CNGA2: variants seen among roughly 807,000 people sequenced by gnomAD.
CNGA2 encodes cyclic nucleotide-gated channel alpha-2.
A neutral mutation model predicts 35.9 loss-of-function variants in CNGA2; 22 were observed. The observed-to-expected ratio is 0.61, with a 90% CI of 0.44 to 0.88. The LOEUF is 0.88. Ranked by LOEUF, CNGA2 falls within the 40% of genes least tolerant of loss-of-function variation. The pLI, the probability that CNGA2 is intolerant of heterozygous loss-of-function variation, is 0.00. For missense variants in CNGA2, 555 were observed against 530.8 expected, an observed-to-expected ratio of 1.05 and a Z score of -0.45; for synonymous variants, 217 against 209.2, an observed-to-expected ratio of 1.04 and a Z score of -0.32.
At chrX:151,738,396 C>A in intron 1 of CNGA2, 62 bp from the exon 2 acceptor site, 1 of 782,220 alleles carries the variant, frequency 1.3e-6, no homozygotes, top group Non-Finnish European at 1.9e-6. Flanking sequence ...ACTTGCCACT[C>A]TCCCACTCTC....
At chrX:151,737,162 G>A (rs148744118) in intron 1 of CNGA2, among the ~76,000 whole-genome samples, 1,331 of 111,781 alleles carry the variant, frequency 0.012, 25 homozygotes, top group African/African-American at 0.041. Flanking sequence ...GACAGCTTCC[G>A]GACTGTGGGT....
chrX:151,742,770 C>T, intron 6 of CNGA2, 128 bp downstream of exon 6: 1 of 457,250 alleles, frequency 2.2e-6, no homozygotes. Context: ...CTTCTTTGAA[C>T]CTCATGGTCC....
chrX:151,741,206 G>A (rs1229258893), intron 5 of CNGA2, among the ~76,000 whole-genome samples: 1 of 111,763 alleles, frequency 8.9e-6, no homozygotes, highest in Non-Finnish European at 1.9e-5. Context: ...GTCCACAGGA[G>A]GAAGTTCAAG....
chrX:151,742,282 T>C (rs186943305), intron 5 of CNGA2, among the ~76,000 whole-genome samples: 1 of 111,985 alleles, frequency 8.9e-6, no homozygotes, highest in Non-Finnish European at 1.9e-5. Flanking sequence ...CCTGCCTTCC[T>C]GGAGCTCACA....
intron 3 of CNGA2, 82 bp from the exon 4 acceptor site, chrX:151,739,480 G>T: frequency 1.0e-6 from 1 of 1,000,085 alleles, no homozygotes; most frequent in African/African-American, 1.9e-5. Flanking sequence ...TTCCTTAGCA[G>T]ACAGTGAGCT....
chrX:151,744,198 T>G lies in CNGA2; in HGVS notation c.1695T>G (p.Asp565Glu). The G allele has an allele frequency of 8.3e-7, 1 of 1,210,802 alleles. No homozygotes were observed. The highest frequency in any genetic ancestry group is 1.7e-5 in the African/African-American group (1 of 57,439). ...TGGAAGCTGTGACTGAGTACCCTGA[T>G]GCCAAGAAAGTCCTAGAAGAGAGGG... ...DLMEAVTEYP[D>E]AKKVLEERGR... The change falls in exon 7 of 7, where the codon GAT becomes GAG. Residue 565 changes from aspartate (D) to glutamate (E), a missense_variant. Transcript: ENST00000329903.
At position 151,744,889 on chromosome X, in the gene CNGA2, C is replaced by G. The variant is rs1446120464; in HGVS notation, c.*391C>G. The G allele has an allele frequency of 6.5e-6, 1 of 154,728 alleles. No homozygotes were observed. The highest frequency in any genetic ancestry group is 1.2e-5 in the Non-Finnish European group (1 of 80,421). 12.8% of individuals were successfully genotyped at this position (154,728 alleles called of 1,213,427 possible). On this transcript the variant is annotated 3_prime_UTR_variant, in exon 7 of 7. Transcript: ENST00000329903. The stretch of plus-strand genomic sequence containing the variant: ...CACACGCATGTACTTCGAGCACCGA[C>G]TATAGACATTTAGATCAGGTACCCA...
intron 1 of CNGA2, 56 bp from the exon 2 acceptor site, chrX:151,738,402 C>G: frequency 3.6e-6 from 3 of 835,636 alleles, no homozygotes; most frequent in Non-Finnish European, 5.3e-6. Flanking sequence ...CACTCTCCCA[C>G]TCTCTGTGGG....
intron 1 of CNGA2, among the ~76,000 whole-genome samples, chrX:151,737,093 CCATGGTGA>C (rs2015254313): frequency 9.0e-6 from 1 of 111,712 alleles, no homozygotes; most frequent in Non-Finnish European, 1.9e-5. Context: ...CCTGCCATCG[CCATGGTGA>C]CAGCTTCAGA....
In CNGA2 at chrX:151,744,817, G is replaced by GC; in HGVS notation, c.*324dup. 1 of 267,864 alleles carries GC rather than the reference G, an allele frequency of 3.7e-6. No individual in the cohort carries two copies. Among genetic ancestry groups the GC allele is most frequent in the Non-Finnish European group, 6.7e-6 (1 of 150,191 alleles). 22.1% of individuals were successfully genotyped at this position (267,864 alleles called of 1,213,427 possible). A position where few individuals can be genotyped will look rare whatever the true frequency, so the allele number is the denominator to read the frequency against. ...CATAGCGACCCCTCCCTTGGTTCTG[G>GC]CCCCCGCTTTTTCTAACATGTCTTC... On this transcript the variant is annotated 3_prime_UTR_variant, in exon 7 of 7. Coordinates refer to ENST00000329903, the MANE Select transcript of CNGA2 (RefSeq NM_005140.3).
At chrX:151,736,678 G>A (rs1025787253) in intron 1 of CNGA2, among the ~76,000 whole-genome samples, 9 of 111,048 alleles carry the variant, frequency 8.1e-5, no homozygotes, top group African/African-American at 3.0e-4. Flanking sequence ...TGGCAAAGGG[G>A]AGGGTGTGCA....
At chrX:151,742,043 C>T (rs942237297) in intron 5 of CNGA2, among the ~76,000 whole-genome samples, 9 of 112,925 alleles carry the variant, frequency 8.0e-5, no homozygotes, top group Non-Finnish European at 9.4e-5. Context: ...AACCTCCAAA[C>T]TTTCTCCATT....
intron 6 of CNGA2, among the ~76,000 whole-genome samples, 164 bp from the exon 7 acceptor site, chrX:151,742,929 T>TATATATATATATATATACATAC (rs1410986643): frequency 1.5e-4 from 12 of 77,434 alleles, no homozygotes; most frequent in Middle Eastern, 5.8e-3. Context: ...GGGAAGGATA[T>TATATATATATATATATACATAC]ATATATATAT....
intron 6 of CNGA2, among the ~76,000 whole-genome samples, 166 bp from the exon 7 acceptor site, chrX:151,742,927 T>TATACATATATATATATATACACATAC (rs1556284988): frequency 8.9e-5 from 7 of 78,474 alleles, no homozygotes; most frequent in African/African-American, 4.2e-4. Context: ...TAGGGAAGGA[T>TATACATATATATATATATACACATAC]ATATATATAT....
At chrX:151,739,504 G>A in intron 3 of CNGA2, 58 bp from the exon 4 acceptor site, 1 of 1,132,696 alleles carries the variant, frequency 8.8e-7, no homozygotes, top group Non-Finnish European at 1.2e-6. Context: ...GGGGACTGGT[G>A]CTTTCTGAAC....
chrX:151,742,787 C>T (rs1231154643), intron 6 of CNGA2, 145 bp downstream of exon 6: 40 of 410,143 alleles, frequency 9.8e-5, no homozygotes, highest in Non-Finnish European at 2.5e-5. Flanking sequence ...GTCCCACATG[C>T]ATAGAGAGGT....
intron 1 of CNGA2, among the ~76,000 whole-genome samples, chrX:151,737,895 C>T (rs1339140535): frequency 9.4e-6 from 1 of 106,259 alleles, no homozygotes; most frequent in Non-Finnish European, 1.9e-5. Context: ...AGAGCAGCTG[C>T]TCTCTACCCC....
chrX:151,741,013 A>T (rs1016870936), intron 5 of CNGA2, 112 bp downstream of exon 5: 4 of 529,792 alleles, frequency 7.6e-6, no homozygotes, highest in African/African-American at 6.9e-5. Flanking sequence ...TTCTCTGTTA[A>T]CCCCAACCCT....
At chrX:151,738,969 C>A in intron 3 of CNGA2, 90 bp downstream of exon 3, 1 of 697,342 alleles carries the variant, frequency 1.4e-6, no homozygotes, top group Non-Finnish European at 2.1e-6. Flanking sequence ...ACGGTCCCAC[C>A]AGTCCTGTCC....
Sources: allele counts gnomAD v4.1 joint callset (sites outside exome capture counted in the v4.1 genomes callset), GRCh38; gene constraint gnomAD v4.1.1; transcripts MANE v1.5; gene names NCBI Gene and HGNC (gene_info 2026-07-23, HGNC 2026-07-21).